Variants in ZNF385D observed in about 807,000 individuals in gnomAD.
ZNF385D encodes the protein zinc finger protein 659.
In ZNF385D, 15 loss-of-function variants were observed where a neutral mutation model predicts 35.8. The ratio of observed to expected loss-of-function variants is 0.42; its 90% CI spans 0.28 to 0.64. The LOEUF (loss-of-function observed/expected upper bound fraction) is 0.64. ZNF385D is among the 30% of genes least tolerant of loss of function. The pLI, the probability that ZNF385D is intolerant of heterozygous loss-of-function variation, is 0.23. For missense variants in ZNF385D, 474 were observed against 494.6 expected, an observed-to-expected ratio of 0.96 and a Z score of 0.39; for synonymous variants, 212 against 186.8, an observed-to-expected ratio of 1.13 and a Z score of -1.10.
chr3:21,809,505 G>C (rs2072807696), intron 3 of ZNF385D, among the ~76,000 whole-genome samples: 1 of 151,748 alleles, frequency 6.6e-6, no homozygotes. Context: ...GATTCTTTTT[G>C]AAATAAGGTA....
chr3:22,172,523 C>A (rs982488765), intron 2 of ZNF385D, among the ~76,000 whole-genome samples: 1 of 152,152 alleles, frequency 6.6e-6, no homozygotes, highest in Admixed American at 6.5e-5. Context: ...ACCACCTTTG[C>A]CAAAGGACCA....
intron 3 of ZNF385D, among the ~76,000 whole-genome samples, chr3:21,968,458 C>T (rs1703036518): frequency 2.0e-5 from 3 of 152,234 alleles, no homozygotes; most frequent in South Asian, 2.1e-4. Flanking sequence ...CTTGAGTCAT[C>T]CCTCCCCCAG....
chr3:21,973,850 C>G (rs1703426933), intron 3 of ZNF385D, among the ~76,000 whole-genome samples: 1 of 151,500 alleles, frequency 6.6e-6, no homozygotes, highest in Non-Finnish European at 1.5e-5. Flanking sequence ...AATTAAATAT[C>G]TGGGAATAAA....
rs373184677 is a variant in ZNF385D at position 22,142,720 on chromosome 3, A to G, written c.325+26097T>C. Among the ~76,000 whole-genome samples, 65 of 152,246 alleles carry G rather than the reference A, an allele frequency of 4.3e-4. 1 individual carries two copies. Among genetic ancestry groups the G allele is most frequent in the East Asian group, 3.9e-4 (2 of 5,168 alleles). On this transcript the variant is annotated intron_variant, in intron 3 of 5. Coordinates refer to the ZNF385D transcript ENST00000494108. ...AGTGCAGGAAAGACGAATGAGATCA[A>G]TGAGGTTACTAACCTTGTGGAGTTT...
rs942466629 is a variant in ZNF385D, at chr3:21,916,357, C to G, written c.326-251329G>C. On this transcript the variant is annotated intron_variant, in intron 3 of 5. Coordinates refer to the ZNF385D transcript ENST00000494108. The stretch of plus-strand genomic sequence containing the variant: ...TTTTGTTCTTCAAACTAACCCTCCA[C>G]ATTACTGATTTGATTTTCTGTTGGG... Among the ~76,000 whole-genome samples, 3 of 152,120 alleles carry G rather than the reference C, an allele frequency of 2.0e-5. No homozygotes were observed. The South Asian group carries it at 6.2e-4, about 32-fold the overall frequency.
chr3:21,670,590 TAAG>T (rs899567709), intron 1 of ZNF385D, among the ~76,000 whole-genome samples: 6 of 134,010 alleles, frequency 4.5e-5, no homozygotes, highest in African/African-American at 8.6e-5. Context: ...ATCCTACTAA[TAAG>T]AAGTCGAAAA....
At position 21,711,039 on chromosome 3, in the gene ZNF385D, G is replaced by GTTTTTTTTTTTTTTTTTTTTT. The variant is rs869252663; in HGVS notation, c.22+39855_22+39856insAAAAAAAAAAAAAAAAAAAAA. Among the ~76,000 whole-genome samples, 30 of 83,140 alleles carry GTTTTTTTTTTTTTTTTTTTTT rather than the reference G, an allele frequency of 3.6e-4. 5 individuals are homozygous for GTTTTTTTTTTTTTTTTTTTTT. Among genetic ancestry groups the GTTTTTTTTTTTTTTTTTTTTT allele is most frequent in the African/African-American group, 1.1e-3 (21 of 19,488 alleles). 54.5% of individuals were successfully genotyped at this position (83,140 alleles called of 152,430 possible). A position where few individuals can be genotyped will look rare whatever the true frequency, so the allele number is the denominator to read the frequency against. On this transcript the variant is annotated intron_variant, in intron 1 of 7. Transcript: ENST00000281523. ...TCTTAATTTCCTTATCCCTCTAAAA[G>GTTTTTTTTTTTTTTTTTTTTT]TTTTTTTTTTTTTTTTTTTTGAGAT...
chr3:21,599,679 T>C (rs1213013636), intron 2 of ZNF385D, among the ~76,000 whole-genome samples: 5 of 152,212 alleles, frequency 3.3e-5, no homozygotes, highest in African/African-American at 1.2e-4. Context: ...GTTACTTTAG[T>C]TGAAAGAAAA....
intron 3 of ZNF385D, among the ~76,000 whole-genome samples, chr3:22,026,978 G>C (rs529204536): frequency 6.6e-6 from 1 of 152,290 alleles, no homozygotes; most frequent in Non-Finnish European, 1.5e-5. Context: ...TTCATTGCTT[G>C]AGCAAATTAA....
At chr3:21,648,291 T>C (rs1308117097) in intron 2 of ZNF385D, among the ~76,000 whole-genome samples, 1 of 152,172 alleles carries the variant, frequency 6.6e-6, no homozygotes, top group South Asian at 2.1e-4. Context: ...CCTGCTGCCA[T>C]GTGAAGAAGA....
At chr3:21,721,786 G>T (rs543740656) in intron 1 of ZNF385D, among the ~76,000 whole-genome samples, 1 of 152,132 alleles carries the variant, frequency 6.6e-6, no homozygotes, top group African/African-American at 2.4e-5. Flanking sequence ...AGTCAGAACT[G>T]TAACAGTATC....
chr3:22,157,132 C>A (rs180787762), intron 3 of ZNF385D, among the ~76,000 whole-genome samples: 1 of 152,248 alleles, frequency 6.6e-6, no homozygotes, highest in Non-Finnish European at 1.5e-5. Flanking sequence ...GACTCTGGAA[C>A]CAGCTTGCCA....
At chr3:22,101,210 C>G (rs1413387138) in intron 3 of ZNF385D, among the ~76,000 whole-genome samples, 1 of 151,894 alleles carries the variant, frequency 6.6e-6, no homozygotes, top group African/African-American at 2.4e-5. Flanking sequence ...ATAAAAAGCA[C>G]CAAAATTTCT....
At chr3:22,323,202 T>G (rs1015573412) in intron 2 of ZNF385D, among the ~76,000 whole-genome samples, 10 of 152,100 alleles carry the variant, frequency 6.6e-5, no homozygotes, top group Admixed American at 5.2e-4. Flanking sequence ...TATCAATCAT[T>G]TCCACACTCA....
intron 2 of ZNF385D, among the ~76,000 whole-genome samples, chr3:21,640,728 T>C (rs1208978911): frequency 6.6e-6 from 1 of 152,114 alleles, no homozygotes; most frequent in African/African-American, 2.4e-5. Flanking sequence ...CCGCCCATTC[T>C]ATGGTATTTT....
intron 3 of ZNF385D, among the ~76,000 whole-genome samples, chr3:21,536,135 T>C (rs1053799609): frequency 6.6e-6 from 1 of 152,096 alleles, no homozygotes; most frequent in Non-Finnish European, 1.5e-5. Context: ...AAAAAGTATA[T>C]GTCTCTTTCG....
intron 2 of ZNF385D, among the ~76,000 whole-genome samples, chr3:22,318,522 A>C (rs1190658548): frequency 6.6e-6 from 1 of 152,150 alleles, no homozygotes; most frequent in Non-Finnish European, 1.5e-5. Flanking sequence ...TTTGAGTACA[A>C]ATGTTTCTGA....
At chr3:21,518,480 C>T (rs1707715740) in intron 3 of ZNF385D, among the ~76,000 whole-genome samples, 1 of 152,058 alleles carries the variant, frequency 6.6e-6, no homozygotes, top group Non-Finnish European at 1.5e-5. Flanking sequence ...TGTTATGATC[C>T]AGTTTGCAAG....
intron 3 of ZNF385D, among the ~76,000 whole-genome samples, chr3:22,123,636 G>C (rs1383536054): frequency 6.6e-6 from 1 of 152,170 alleles, no homozygotes; most frequent in Admixed American, 6.5e-5. Context: ...AAAGTAGGTG[G>C]ATTACCTGAG....
Sources: allele counts gnomAD v4.1 joint callset (sites outside exome capture counted in the v4.1 genomes callset), GRCh38; gene constraint gnomAD v4.1.1; transcripts MANE v1.5; gene names NCBI Gene and HGNC (gene_info 2026-07-23, HGNC 2026-07-21).